Variants in UTS2B observed in about 807,000 individuals in gnomAD.
UTS2B encodes the protein urotensin-2B.
UTS2B carries 21 observed loss-of-function variants against 19.2 expected under a neutral mutation model. The ratio of observed to expected loss-of-function variants is 1.09; its 90% CI spans 0.78 to 1.58. The LOEUF is 1.58. Ranked by LOEUF, UTS2B falls within the 40% of genes most tolerant of loss-of-function variation. UTS2B has a pLI of 0.00. For missense variants in UTS2B, 138 were observed against 130.3 expected, an observed-to-expected ratio of 1.06 and a Z score of -0.29; for synonymous variants, 57 against 50.2, an observed-to-expected ratio of 1.14 and a Z score of -0.58.
At chr3:191,308,664 G>T (rs1367028118) in intron 3 of UTS2B, among the ~76,000 whole-genome samples, 1 of 152,132 alleles carries the variant, frequency 6.6e-6, no homozygotes, top group Non-Finnish European at 1.5e-5. Context: ...AGCCAAAAAT[G>T]TCTCCAGACA....
chr3:191,326,853 G>A (rs1240960577), intron 2 of UTS2B, among the ~76,000 whole-genome samples: 1 of 152,236 alleles, frequency 6.6e-6, no homozygotes, highest in African/African-American at 2.4e-5. Flanking sequence ...TACAGAACAG[G>A]TGTGGAGTAG....
intron 4 of UTS2B, among the ~76,000 whole-genome samples, chr3:191,299,265 A>C (rs1206550090): frequency 1.3e-5 from 2 of 152,224 alleles, no homozygotes; most frequent in African/African-American, 4.8e-5. Context: ...GACAGTAAGA[A>C]AAAGGCCTCC....
intron 2 of UTS2B, among the ~76,000 whole-genome samples, chr3:191,319,718 A>T (rs1397923003): frequency 3.3e-5 from 5 of 150,490 alleles, no homozygotes; most frequent in East Asian, 2.0e-4. Flanking sequence ...AAAAAAAAAA[A>T]TTAGCCAGGT....
chr3:191,301,635 C>T (rs1311671984), intron 4 of UTS2B, among the ~76,000 whole-genome samples: 12 of 151,758 alleles, frequency 7.9e-5, no homozygotes, highest in African/African-American at 2.9e-4. Flanking sequence ...CACAGGCGCC[C>T]GCCACCATGC....
At chr3:191,273,482 A>G (rs1413177177) in intron 8 of UTS2B, 2 of 456,704 alleles carry the variant, frequency 4.4e-6, no homozygotes, top group Admixed American at 4.7e-5. Flanking sequence ...GAGGCAATTG[A>G]AAGCTGGGAT....
At chr3:191,299,253 A>T (rs868385753) in intron 4 of UTS2B, among the ~76,000 whole-genome samples, 7 of 152,256 alleles carry the variant, frequency 4.6e-5, no homozygotes, top group Non-Finnish European at 1.0e-4. Flanking sequence ...GCTAATAGCC[A>T]AGACAGTAAG....
intron 2 of UTS2B, among the ~76,000 whole-genome samples, chr3:191,316,806 C>G (rs1240881460): frequency 6.6e-6 from 1 of 152,206 alleles, no homozygotes; most frequent in Non-Finnish European, 1.5e-5. Flanking sequence ...CATTTACAAA[C>G]CTTGAGCTAG....
At position 191,301,285 on chromosome 3, in the gene UTS2B, G is replaced by T. The variant is rs141822902; in HGVS notation, c.-125+3207C>A. Among the ~76,000 whole-genome samples, 477 of 152,124 alleles carry T rather than the reference G, an allele frequency of 3.1e-3. 1 individual carries two copies. Among genetic ancestry groups the T allele is most frequent in the Non-Finnish European group, 5.7e-3 (390 of 68,000 alleles). On this transcript the variant is annotated intron_variant, in intron 4 of 8. Transcript: ENST00000340524. The stretch of plus-strand genomic sequence containing the variant: ...AAAATACAGTAGTTCAGACATCCCT[G>T]GCTTTGCAAAATGCCATTTTGCTCA...
chr3:191,321,989 T>G (rs1717622996), intron 2 of UTS2B, among the ~76,000 whole-genome samples: 1 of 152,182 alleles, frequency 6.6e-6, no homozygotes, highest in African/African-American at 2.4e-5. Flanking sequence ...ATTGCGCCAT[T>G]GCACTCCAGC....
At chr3:191,295,109 A>C (rs942804419) in intron 4 of UTS2B, among the ~76,000 whole-genome samples, 5 of 151,970 alleles carry the variant, frequency 3.3e-5, no homozygotes, top group African/African-American at 1.2e-4. Context: ...TTTTATTAGG[A>C]CACTCATATA....
At chr3:191,296,089 C>T (rs1302149428) in intron 4 of UTS2B, among the ~76,000 whole-genome samples, 1 of 152,168 alleles carries the variant, frequency 6.6e-6, no homozygotes, top group Non-Finnish European at 1.5e-5. Flanking sequence ...TCTAGAAAAT[C>T]CTACATTACC....
chr3:191,311,178 T>C (rs1717291433), intron 3 of UTS2B, among the ~76,000 whole-genome samples: 1 of 152,254 alleles, frequency 6.6e-6, no homozygotes, highest in South Asian at 2.1e-4. Flanking sequence ...TCAGATGACA[T>C]TTCAGGTTCC....
chr3:191,293,427 A>G lies in UTS2B; in HGVS notation c.-125+11065T>C, dbSNP rs538660054. On this transcript the variant is annotated intron_variant, in intron 4 of 8. Transcript: ENST00000340524. The stretch of plus-strand genomic sequence containing the variant: ...ATACTGATTCAACCTTTTTACTTCT[A>G]TAGATCAATTCTATTTCTTCTTAAT... Among the ~76,000 whole-genome samples, 231 of 150,110 alleles carry G rather than the reference A, an allele frequency of 1.5e-3. 4 individuals are homozygous for G. Among genetic ancestry groups the G allele is most frequent in the African/African-American group, 5.4e-3 (211 of 39,428 alleles).
chr3:191,310,896 AAT>A (rs1475086441), intron 3 of UTS2B, among the ~76,000 whole-genome samples: 1 of 152,168 alleles, frequency 6.6e-6, no homozygotes, highest in Non-Finnish European at 1.5e-5. Flanking sequence ...ATTCCTTCGA[AAT>A]ATATTATTTA....
chr3:191,322,970 A>C (rs2108615306), intron 2 of UTS2B, among the ~76,000 whole-genome samples: 1 of 152,192 alleles, frequency 6.6e-6, no homozygotes, highest in East Asian at 1.9e-4. Context: ...AGCCCCACAG[A>C]CTGCTTTGGT....
chr3:191,314,625 G>A lies in UTS2B; in HGVS notation c.-182+1411C>T, dbSNP rs148599150. On this transcript the variant is annotated intron_variant, in intron 3 of 8. Transcript: ENST00000340524. ...CTATGTAGCTTTGAGGAGTGTAAGCGCAAGTGCAAGGGTGGGGCTGGTAAT... is the reference window on the plus strand; with the variant it reads ...CTATGTAGCTTTGAGGAGTGTAAGCACAAGTGCAAGGGTGGGGCTGGTAAT... Among the ~76,000 whole-genome samples, 392 of 152,244 alleles carry A rather than the reference G, an allele frequency of 2.6e-3. 2 individuals carry two copies. The highest frequency in any genetic ancestry group is 7.8e-3 in the African/African-American group (326 of 41,546).
intron 2 of UTS2B, among the ~76,000 whole-genome samples, chr3:191,318,279 T>C (rs1214074943): frequency 6.6e-6 from 1 of 152,228 alleles, no homozygotes; most frequent in Non-Finnish European, 1.5e-5. Flanking sequence ...TGAATACTCT[T>C]CATACTTTAA....
chr3:191,306,351 G>T (rs1212868068), intron 3 of UTS2B, among the ~76,000 whole-genome samples: 3 of 152,164 alleles, frequency 2.0e-5, no homozygotes, highest in Non-Finnish European at 4.4e-5. Context: ...CTGGCTCACT[G>T]ATTTCATCAT....
intron 2 of UTS2B, among the ~76,000 whole-genome samples, chr3:191,326,834 G>A (rs1717755324): frequency 6.6e-6 from 1 of 152,190 alleles, no homozygotes; most frequent in Non-Finnish European, 1.5e-5. Context: ...TGCTCAGCTT[G>A]GGGACCTATA....
Sources: gnomAD v4.1 joint callset for allele counts (sites outside exome capture counted in the v4.1 genomes callset) on GRCh38, gnomAD v4.1.1 for gene constraint, MANE v1.5 for transcripts, NCBI Gene and HGNC (gene_info 2026-07-23, HGNC 2026-07-21) for gene names.